Variants in APCDD1L observed in about 807,000 individuals in gnomAD.
APCDD1L encodes the protein APC down-regulated 1 like.
Under a neutral mutation model 24.2 loss-of-function variants are expected in APCDD1L, and 21 were observed. The ratio of observed to expected loss-of-function variants is 0.87; its 90% CI spans 0.61 to 1.25. The LOEUF (loss-of-function observed/expected upper bound fraction) is 1.25, where lower values mean the gene tolerates loss of function less well. Among genes scored for constraint, APCDD1L ranks in the 50% most tolerant of loss-of-function variants. The pLI is 0.00. For missense variants in APCDD1L, 704 were observed against 711.7 expected, an observed-to-expected ratio of 0.99 and a Z score of 0.12; for synonymous variants, 321 against 323.6, an observed-to-expected ratio of 0.99 and a Z score of 0.09.
At chr20:58,510,849 T>G (rs1490016327) in intron 1 of APCDD1L, among the ~76,000 whole-genome samples, 3 of 152,152 alleles carry the variant, frequency 2.0e-5, no homozygotes, top group Non-Finnish European at 2.9e-5. Context: ...ATTTTAATAG[T>G]CAAGGTGCTC....
intron 1 of APCDD1L, among the ~76,000 whole-genome samples, chr20:58,496,626 A>G (rs1990328117): frequency 6.6e-6 from 1 of 152,224 alleles, no homozygotes. Flanking sequence ...GCCAAGGAAG[A>G]CACAGAGCTA....
In APCDD1L at chr20:58,467,114, T is replaced by A. The variant is rs1209163778; in HGVS notation, c.733A>T (p.Ser245Cys). The change falls in exon 3 of 4, where the codon AGC becomes TGC. Residue 245 changes from serine to cysteine, a missense_variant. Physicochemically the swap from Ser to Cys is moderately radical, Grantham distance 112. Transcript: ENST00000371149. This position sits in a 1 kb window ranked among gnomAD's most constrained non-coding sequence, Gnocchi z 5.9. The part of the protein sequence containing the change: ...RPTGYQRPLQ[S>C]ALHHVQPCPA... ...CCAACACACACACTCACCAGTGCGCTCTGCAGCGGGCGCTGGTAGCCCGTG... is the reference window on the plus strand; with the variant it reads ...CCAACACACACACTCACCAGTGCGCACTGCAGCGGGCGCTGGTAGCCCGTG... 1.2e-6 allele frequency: 2 copies of A among 1,605,378 alleles called. No homozygotes were observed. The highest frequency in any genetic ancestry group is 1.7e-6 in the Non-Finnish European group (2 of 1,178,540).
Position 58,460,918 on chromosome 20 carries a change from G to A in APCDD1L, c.1378C>T (p.Pro460Ser), listed in dbSNP as rs765125113. The A allele has an allele frequency of 6.2e-7, 1 of 1,612,422 alleles. No homozygotes were observed. The highest frequency in any genetic ancestry group is 8.5e-7 in the Non-Finnish European group (1 of 1,178,828). Residue 460 changes from proline (P) to serine (S), a missense_variant, in exon 4 of 4, where the codon CCC (proline) becomes TCC (serine). By Grantham distance (74) the Pro-to-Ser change is moderately conservative (BLOSUM62 -1). Transcript: ENST00000371149. This position sits in a 1 kb window ranked among gnomAD's most constrained non-coding sequence, Gnocchi z 4.2. ...TGCTGCGGTGGCCTGGAGAAGTCGG[G>A]GGCCTCCCCATGACAGAGCACCAGG... ...APLVLCHGEA[P>S]DFSRPPQHRP...
At chr20:58,496,551 A>G (rs555151340) in intron 1 of APCDD1L, among the ~76,000 whole-genome samples, 1 of 152,320 alleles carries the variant, frequency 6.6e-6, no homozygotes, top group African/African-American at 2.4e-5. Context: ...GGGGAGAGAA[A>G]GGTGGGCTCC....
intron 1 of APCDD1L, among the ~76,000 whole-genome samples, chr20:58,501,300 T>C (rs897996293): frequency 1.3e-5 from 2 of 152,182 alleles, no homozygotes; most frequent in Non-Finnish European, 2.9e-5. Context: ...CATGACTGTA[T>C]TTGGAGACAG....
intron 1 of APCDD1L, among the ~76,000 whole-genome samples, chr20:58,499,709 C>T (rs972645620): frequency 7.2e-5 from 11 of 152,230 alleles, no homozygotes; most frequent in African/African-American, 2.7e-4. Context: ...TCACACCCTG[C>T]TTCCACCCCA....
chr20:58,493,922 T>C (rs1394132487), intron 1 of APCDD1L, among the ~76,000 whole-genome samples: 2 of 152,228 alleles, frequency 1.3e-5, no homozygotes, highest in Non-Finnish European at 2.9e-5. Context: ...TAACTATTAA[T>C]AGTCTACAGT....
At chr20:58,511,860 G>A (rs1395964904) in intron 1 of APCDD1L, among the ~76,000 whole-genome samples, 1 of 151,662 alleles carries the variant, frequency 6.6e-6, no homozygotes, top group Non-Finnish European at 1.5e-5. Context: ...ACTTGCCATC[G>A]CAAAGTATAT....
At position 58,494,263 on chromosome 20, in the gene APCDD1L, CTTTTTTCT is replaced by C. The variant is rs1311248463; in HGVS notation, c.49+20388_49+20395del. 6.7e-6 allele frequency among the ~76,000 whole-genome samples: 1 copy of C among 149,248 alleles called. No individual in the cohort carries two copies. The highest frequency in any genetic ancestry group is 1.5e-5 in the Non-Finnish European group (1 of 67,560). The stretch of plus-strand genomic sequence containing the variant: ...TGTGGTTTAAGGGTCAACTGCATTT[CTTTTTTCT>C]TTTCTTTTCTTTTCTTACTTTTCTT... On this transcript the variant is annotated intron_variant, in intron 1 of 3. Transcript: ENST00000371149. This position sits in a 1 kb window ranked among gnomAD's most constrained non-coding sequence, Gnocchi z 4.8.
chr20:58,476,455 C>G (rs1277452190), intron 1 of APCDD1L, among the ~76,000 whole-genome samples: 1 of 152,222 alleles, frequency 6.6e-6, no homozygotes, highest in Admixed American at 6.5e-5. Flanking sequence ...TCCCAAAGTT[C>G]TGGGATTACA....
chr20:58,485,060 G>GA (rs757889978), intron 1 of APCDD1L, among the ~76,000 whole-genome samples: 7 of 151,208 alleles, frequency 4.6e-5, no homozygotes, highest in Non-Finnish European at 1.0e-4. Context: ...ATCTCTTATG[G>GA]AAAAGACAAA....
intron 3 of APCDD1L, among the ~76,000 whole-genome samples, chr20:58,463,293 G>A (rs138871937): frequency 1.3e-5 from 2 of 152,270 alleles, no homozygotes; most frequent in Non-Finnish European, 2.9e-5. Context: ...CCACACTCGG[G>A]TCTTCAGGTG....
At chr20:58,480,081 G>A (rs6064657) in intron 1 of APCDD1L, among the ~76,000 whole-genome samples, 3,327 of 152,310 alleles carry the variant, frequency 0.022, 49 homozygotes, top group Non-Finnish European at 0.034. Flanking sequence ...TACCTCACAT[G>A]TCTCTCATTT....
chr20:58,471,354 G>T (rs1989809141), intron 1 of APCDD1L, among the ~76,000 whole-genome samples: 1 of 152,260 alleles, frequency 6.6e-6, no homozygotes, highest in African/African-American at 2.4e-5. Context: ...CGAGCGTGTG[G>T]CAAGGGAAAG....
chr20:58,471,799 C>T (rs779350675), intron 1 of APCDD1L, among the ~76,000 whole-genome samples: 7 of 152,176 alleles, frequency 4.6e-5, no homozygotes, highest in Admixed American at 6.5e-5. Context: ...TGCTCAGGGG[C>T]GCTGGCCTGG....
At chr20:58,483,304 TG>T (rs1325576523) in intron 1 of APCDD1L, among the ~76,000 whole-genome samples, 1 of 151,932 alleles carries the variant, frequency 6.6e-6, no homozygotes, top group African/African-American at 2.4e-5. Flanking sequence ...TGCTGCTTCT[TG>T]GGGCTGGAAT....
intron 1 of APCDD1L, among the ~76,000 whole-genome samples, chr20:58,500,762 C>T (rs1297903401): frequency 1.3e-5 from 2 of 152,116 alleles, no homozygotes; most frequent in African/African-American, 4.8e-5. Context: ...CTTTGACTAC[C>T]CCCGGACATT....
intron 1 of APCDD1L, among the ~76,000 whole-genome samples, chr20:58,489,796 G>A (rs139366046): frequency 9.9e-5 from 15 of 152,268 alleles, no homozygotes; most frequent in Admixed American, 3.3e-4. Context: ...TAGTATGGAC[G>A]GCAGATCTAG....
intron 1 of APCDD1L, among the ~76,000 whole-genome samples, chr20:58,504,370 G>A (rs1254673464): frequency 6.6e-6 from 1 of 152,096 alleles, no homozygotes; most frequent in East Asian, 1.9e-4. Flanking sequence ...GGGCTTATTG[G>A]GTCTGCCCTT....
Sources: allele counts gnomAD v4.1 joint callset (sites outside exome capture counted in the v4.1 genomes callset), GRCh38; gene constraint gnomAD v4.1.1; non-coding constraint Gnocchi (gnomAD v3.1); transcripts MANE v1.5; gene names NCBI Gene and HGNC (gene_info 2026-07-23, HGNC 2026-07-21).